BACE2: variants seen among roughly 807,000 people sequenced by gnomAD.
The protein encoded by BACE2 is 56 kDa aspartic-like protease.
A neutral mutation model predicts 46.2 loss-of-function variants in BACE2; 17 were observed. The observed-to-expected ratio is 0.37, with a 90% CI of 0.25 to 0.55. BACE2 has a LOEUF of 0.55. Among genes scored for constraint, BACE2 ranks in the 20% least tolerant of loss-of-function variants. The probability of loss-of-function intolerance (pLI) is 0.82; values close to 1 mark genes in which losing one functional copy is unlikely to be tolerated. For missense variants in BACE2, 595 were observed against 698.1 expected, an observed-to-expected ratio of 0.85 and a Z score of 1.66; for synonymous variants, 277 against 295.9, an observed-to-expected ratio of 0.94 and a Z score of 0.66.
intron 3 of BACE2, among the ~76,000 whole-genome samples, chr21:41,240,674 A>G (rs1663385427): frequency 6.6e-6 from 1 of 152,208 alleles, no homozygotes; most frequent in South Asian, 2.1e-4. Flanking sequence ...TATAATCCCA[A>G]GAGGTGATTT....
intron 1 of BACE2, among the ~76,000 whole-genome samples, chr21:41,203,383 G>A (rs1417945638): frequency 6.6e-6 from 1 of 152,146 alleles, no homozygotes; most frequent in Admixed American, 6.5e-5. Context: ...GGAAGAGCCA[G>A]TACGACGGCC....
At chr21:41,268,604 CTT>C (rs1381470906) in intron 8 of BACE2, among the ~76,000 whole-genome samples, 1 of 152,138 alleles carries the variant, frequency 6.6e-6, no homozygotes, top group Non-Finnish European at 1.5e-5. Context: ...ATCCATGACT[CTT>C]TTAATTATAA....
chr21:41,185,807 C>T (rs936031929), intron 1 of BACE2, among the ~76,000 whole-genome samples: 4 of 152,276 alleles, frequency 2.6e-5, no homozygotes, highest in Middle Eastern at 3.4e-3. Flanking sequence ...CCCCGTGAAC[C>T]CAAGACCAGG....
Position 41,275,650 on chromosome 21 carries a change from C to T in BACE2, c.*26C>T. On this transcript the variant is annotated 3_prime_UTR_variant, in exon 9 of 9. Transcript: ENST00000330333. ...ATAGCCAGGCCTGACCTCAAGCAAC[C>T]ATGAACTCAGCTATTAAGAAAATCA... 6.2e-7 allele frequency: 1 copy of T among 1,608,744 alleles called. No individual in the cohort carries two copies. Among genetic ancestry groups the T allele is most frequent in the Non-Finnish European group, 8.5e-7 (1 of 1,176,350 alleles).
chr21:41,253,384 G>C (rs1987693158), intron 7 of BACE2, among the ~76,000 whole-genome samples: 1 of 149,924 alleles, frequency 6.7e-6, no homozygotes, highest in Non-Finnish European at 1.5e-5. Context: ...AGAGGTTGCA[G>C]TGAGCTGAGA....
At chr21:41,203,908 G>A (rs1238757459) in intron 1 of BACE2, among the ~76,000 whole-genome samples, 1 of 152,220 alleles carries the variant, frequency 6.6e-6, no homozygotes, top group East Asian at 1.9e-4. Context: ...GCTACAGAGA[G>A]AAGAGCTGTT....
At chr21:41,222,298 A>G (rs1013673948) in intron 1 of BACE2, among the ~76,000 whole-genome samples, 2 of 152,192 alleles carry the variant, frequency 1.3e-5, no homozygotes, top group African/African-American at 4.8e-5. Context: ...TGGGAGGGAA[A>G]GGGATGCACA....
Position 41,234,493 on chromosome 21 carries a change from T to C in BACE2, c.402-3020T>C, listed in dbSNP as rs183468959. Among the ~76,000 whole-genome samples the C allele has an allele frequency of 4.9e-4, 74 of 152,322 alleles. 1 individual carries two copies. Among genetic ancestry groups the C allele is most frequent in the African/African-American group, 1.8e-3 (73 of 41,580 alleles). On this transcript the variant is annotated intron_variant, in intron 2 of 8. Coordinates refer to ENST00000330333, the MANE Select transcript of BACE2 (RefSeq NM_012105.5). ...TGTCTGTGGCTGCTTCCACATTACG[T>C]TTGAGAGCTGAGTAGTTATCACAGA...
chr21:41,231,651 G>A (rs1986969236), intron 2 of BACE2, among the ~76,000 whole-genome samples: 1 of 152,128 alleles, frequency 6.6e-6, no homozygotes. Flanking sequence ...CTTATCAGAG[G>A]CAGAACATCT....
chr21:41,230,894 C>G (rs1314471367), intron 2 of BACE2, among the ~76,000 whole-genome samples: 1 of 152,190 alleles, frequency 6.6e-6, no homozygotes, highest in Non-Finnish European at 1.5e-5. Flanking sequence ...CCAATAAAAT[C>G]TCACCTCCAG....
chr21:41,238,614 T>G (rs1180123881), intron 3 of BACE2, among the ~76,000 whole-genome samples: 1 of 152,006 alleles, frequency 6.6e-6, no homozygotes, highest in African/African-American at 2.4e-5. Flanking sequence ...CATGGAATAC[T>G]ATGCAGCCAT....
intron 1 of BACE2, among the ~76,000 whole-genome samples, chr21:41,201,457 T>C (rs982632598): frequency 1.2e-4 from 18 of 152,232 alleles, no homozygotes; most frequent in African/African-American, 4.1e-4. Flanking sequence ...TTCTGAGCAC[T>C]TGAAACAAAA....
chr21:41,219,195 G>C (rs1299140737), intron 1 of BACE2, among the ~76,000 whole-genome samples: 1 of 150,924 alleles, frequency 6.6e-6, no homozygotes, highest in African/African-American at 2.4e-5. Context: ...GCAGAGTGGG[G>C]ATCCCAAAAA....
At chr21:41,188,328 T>C (rs1273743621) in intron 1 of BACE2, among the ~76,000 whole-genome samples, 6 of 152,142 alleles carry the variant, frequency 3.9e-5, no homozygotes, top group Non-Finnish European at 8.8e-5. Flanking sequence ...TGAGGCTAAG[T>C]AGAGAATTGA....
chr21:41,274,626 A>G (rs1349858387), intron 8 of BACE2, among the ~76,000 whole-genome samples: 2 of 152,184 alleles, frequency 1.3e-5, no homozygotes, highest in Non-Finnish European at 2.9e-5. Flanking sequence ...AAATCATCTC[A>G]ACTTCCTTCT....
intron 1 of BACE2, among the ~76,000 whole-genome samples, chr21:41,209,505 T>G (rs1986233313): frequency 6.6e-6 from 1 of 152,188 alleles, no homozygotes; most frequent in Non-Finnish European, 1.5e-5. Context: ...ATGCGTGCCT[T>G]TTTCTGCAGA....
In BACE2 at chr21:41,250,779, A is replaced by T. The variant is rs752354530; in HGVS notation, c.1012A>T (p.Thr338Ser). 1 of 1,614,058 alleles carries T rather than the reference A, an allele frequency of 6.2e-7. No homozygotes were observed. Among genetic ancestry groups the T allele is most frequent in the South Asian group, 1.1e-5 (1 of 91,068 alleles). ...LIPEFSDGFW[T>S]GSQLACWTNS... is the part of the protein sequence containing the mutation. Reference sequence around the variant, plus strand: ...TCCAGAATTCTCTGATGGTTTCTGGACTGGGTCCCAGCTGGCGTGCTGGAC... The same window carrying T: ...TCCAGAATTCTCTGATGGTTTCTGGTCTGGGTCCCAGCTGGCGTGCTGGAC... Residue 338 changes from threonine (T) to serine (S), a missense_variant, in exon 7 of 9, where the codon ACT (threonine) becomes TCT (serine). By Grantham distance (58) the Thr-to-Ser change is moderately conservative. Coordinates refer to ENST00000330333, the MANE Select transcript of BACE2 (RefSeq NM_012105.5).
chr21:41,249,185 T>C (rs949242478), intron 6 of BACE2, among the ~76,000 whole-genome samples: 2 of 141,942 alleles, frequency 1.4e-5, no homozygotes, highest in Non-Finnish European at 3.1e-5. Flanking sequence ...CTCAGTGGAC[T>C]CAGGACTAGT....
At chr21:41,211,351 G>C (rs572913396) in intron 1 of BACE2, among the ~76,000 whole-genome samples, 12 of 151,950 alleles carry the variant, frequency 7.9e-5, no homozygotes, top group African/African-American at 2.4e-4. Flanking sequence ...GTATAATCAA[G>C]CTCCTCTTAG....
Sources: gnomAD v4.1 joint callset for allele counts (sites outside exome capture counted in the v4.1 genomes callset) on GRCh38, gnomAD v4.1.1 for gene constraint, MANE v1.5 for transcripts, NCBI Gene and HGNC (gene_info 2026-07-23, HGNC 2026-07-21) for gene names.